RPS6KA5: variants seen among roughly 807,000 people sequenced by gnomAD.
RPS6KA5 encodes ribosomal protein S6 kinase A5.
RPS6KA5 carries 27 observed loss-of-function variants against 85.5 expected under a neutral mutation model. The observed-to-expected ratio is 0.32, with a 90% CI of 0.23 to 0.44. The LOEUF (loss-of-function observed/expected upper bound fraction) is 0.44. Among genes scored for constraint, RPS6KA5 ranks in the 20% least tolerant of loss-of-function variants. The probability of loss-of-function intolerance (pLI) is 1.00; values close to 1 mark genes in which losing one functional copy is unlikely to be tolerated. For missense variants in RPS6KA5, 811 were observed against 980.9 expected (o/e 0.83, Z 2.31); for synonymous variants, 334 against 348.2 (o/e 0.96, Z 0.46).
rs61230626 is a variant in RPS6KA5, at chr14:90,863,302, CAAAAAAAAAAAAAAAAAAAAA to C, written c.*8751_*8771del. ...TGGGTGGCAGAGCGAGACTCCGTCT[CAAAAAAAAAAAAAAAAAAAAA>C]AAAAAAAGAAAAGAAAAGAAAAAAA... On this transcript the variant is annotated 3_prime_UTR_variant, in exon 17 of 17. Transcript: ENST00000614987. The C allele has an allele frequency of 4.0e-5, 1 of 24,806 alleles. No homozygotes were observed. The highest frequency in any genetic ancestry group is 1.1e-4 in the African/African-American group (1 of 9,120). The allele number at this position is 24,806 out of a possible 1,614,324, so 1.5% of individuals were successfully genotyped here.
rs564730969 is a variant in RPS6KA5 at position 90,860,700 on chromosome 14, G to A, written c.*11374C>T. 17 of 151,704 alleles carry A rather than the reference G, an allele frequency of 1.1e-4. No homozygotes were observed. The highest frequency in any genetic ancestry group is 1.9e-4 in the Non-Finnish European group (13 of 67,948). 9.4% of individuals were successfully genotyped at this position (151,704 alleles called of 1,614,324 possible). On this transcript the variant is annotated 3_prime_UTR_variant, in exon 17 of 17. Coordinates refer to ENST00000614987, the MANE Select transcript of RPS6KA5 (RefSeq NM_004755.4). ...AAAATAAAAATACAGAAAAATAAAG[G>A]CAAAAGAAAGAAGGTTTCAAAAAAC... is the stretch of plus-strand genomic sequence containing the variant.
intron 13 of RPS6KA5, among the ~76,000 whole-genome samples, chr14:90,891,206 C>A (rs1013088586): frequency 6.6e-6 from 1 of 151,192 alleles, no homozygotes; most frequent in Non-Finnish European, 1.5e-5. Context: ...CTGGCACAGA[C>A]ATAGAGTAGG....
chr14:90,936,331 G>A (rs2037253542), intron 5 of RPS6KA5, among the ~76,000 whole-genome samples: 2 of 152,172 alleles, frequency 1.3e-5, no homozygotes, highest in Non-Finnish European at 2.9e-5. Flanking sequence ...CTTTGGGAGA[G>A]CAAGGCAGGT....
intron 1 of RPS6KA5, chr14:91,052,322 C>G (rs1274151316): frequency 2.8e-6 from 1 of 361,530 alleles, no homozygotes; most frequent in South Asian, 2.0e-5. Flanking sequence ...AAAAAAATTA[C>G]CTGGGTATGG....
At chr14:90,931,552 T>TA (rs2036980191) in intron 5 of RPS6KA5, among the ~76,000 whole-genome samples, 1 of 151,554 alleles carries the variant, frequency 6.6e-6, no homozygotes, top group South Asian at 2.1e-4. Flanking sequence ...TTTTTAAAAT[T>TA]AAAAAAATAA....
rs1460863009 is a variant in RPS6KA5, at chr14:91,009,052, GTCCTCACTTTCAAAGATAAATTAAC to G, written c.104-7918_104-7894del. Among the ~76,000 whole-genome samples, 13 of 152,316 alleles carry G rather than the reference GTCCTCACTTTCAAAGATAAATTAAC, an allele frequency of 8.5e-5. No individual in the cohort carries two copies. In the East Asian group the frequency reaches 1.5e-3, roughly 18 times the overall value. ...GAAACTACAAAAGGCACAGGACAGG[GTCCTCACTTTCAAAGATAAATTAAC>G]TCAATTTCTGTTCCATTTTTTTCCC... On this transcript the variant is annotated intron_variant, in intron 1 of 16. Coordinates refer to ENST00000614987, the MANE Select transcript of RPS6KA5 (RefSeq NM_004755.4).
chr14:90,954,704 G>A (rs188719038), intron 3 of RPS6KA5, among the ~76,000 whole-genome samples: 116 of 152,294 alleles, frequency 7.6e-4, no homozygotes, highest in African/African-American at 2.7e-3. Context: ...ATGAGCCACC[G>A]TACTAGGCCT....
At position 91,001,197 on chromosome 14, in the gene RPS6KA5, C is replaced by A. The variant is rs201459090; in HGVS notation, c.104-38G>T. ...AAGAGGAAAAAAAAAACAAGAGGGT[C>A]AGCAATAGAAGGAGGCTCCTGGGGG... On this transcript the variant is annotated intron_variant, in intron 1 of 16. Transcript: ENST00000614987. 81 of 1,380,578 alleles carry A rather than the reference C, an allele frequency of 5.9e-5. No homozygotes were observed. The East Asian group carries it at 1.8e-3, about 31-fold the overall frequency. 85.5% of individuals were successfully genotyped at this position (1,380,578 alleles called of 1,614,324 possible). A position where few individuals can be genotyped will look rare whatever the true frequency, so the allele number is the denominator to read the frequency against.
chr14:90,863,302 CAAAAAAAAAAAAAAAAAAA>C lies in RPS6KA5; in HGVS notation c.*8753_*8771del, dbSNP rs61230626. The C allele has an allele frequency of 2.8e-4, 7 of 24,806 alleles. No individual in the cohort carries two copies. Among genetic ancestry groups the C allele is most frequent in the African/African-American group, 6.6e-4 (6 of 9,120 alleles). The allele number at this position is 24,806 out of a possible 1,614,324, so 1.5% of individuals were successfully genotyped here. ...TGGGTGGCAGAGCGAGACTCCGTCT[CAAAAAAAAAAAAAAAAAAA>C]AAAAAAAAAGAAAAGAAAAGAAAAA... On this transcript the variant is annotated 3_prime_UTR_variant, in exon 17 of 17. Coordinates refer to ENST00000614987, the MANE Select transcript of RPS6KA5 (RefSeq NM_004755.4).
At chr14:90,892,529 A>G (rs773932647) in intron 13 of RPS6KA5, among the ~76,000 whole-genome samples, 1 of 152,216 alleles carries the variant, frequency 6.6e-6, no homozygotes, top group Non-Finnish European at 1.5e-5. Context: ...CCTCATCTCA[A>G]GTTCTGCCTG....
At position 90,871,394 on chromosome 14, in the gene RPS6KA5, G is replaced by C. The variant is rs2033100534; in HGVS notation, c.*680C>G. 1 of 152,142 alleles carries C rather than the reference G, an allele frequency of 6.6e-6. No homozygotes were observed. The highest frequency in any genetic ancestry group is 2.4e-5 in the African/African-American group (1 of 41,338). 9.4% of individuals were successfully genotyped at this position (152,142 alleles called of 1,614,324 possible). ...AATAACCATTAAAACAAATTGCCAG[G>C]AAAGAGCAGTGCAAAATTAAAAACA... On this transcript the variant is annotated 3_prime_UTR_variant, in exon 17 of 17. Transcript: ENST00000614987.
In RPS6KA5 at chr14:90,966,194, G is replaced by C. The variant is rs116973029; in HGVS notation, c.394+12112C>G. 3.9e-5 allele frequency among the ~76,000 whole-genome samples: 6 copies of C among 152,174 alleles called. No homozygotes were observed. The East Asian group carries it at 9.6e-4, about 24-fold the overall frequency. On this transcript the variant is annotated intron_variant, in intron 3 of 16. Coordinates refer to ENST00000614987, the MANE Select transcript of RPS6KA5 (RefSeq NM_004755.4). The stretch of plus-strand genomic sequence containing the variant: ...GAGTCAATTAGCTACAGAATTGAGG[G>C]AAGTGGCTTAGAAAAGCTCTTTGAA...
intron 3 of RPS6KA5, among the ~76,000 whole-genome samples, chr14:90,951,737 A>T (rs2038200667): frequency 6.6e-6 from 1 of 152,144 alleles, no homozygotes; most frequent in East Asian, 1.9e-4. Context: ...TTTGCATAGA[A>T]GGTTCCGCTC....
At chr14:91,004,256 T>C (rs896835905) in intron 1 of RPS6KA5, among the ~76,000 whole-genome samples, 1 of 152,114 alleles carries the variant, frequency 6.6e-6, no homozygotes, top group Non-Finnish European at 1.5e-5. Context: ...CGGCTAATTT[T>C]TTGTATTTTT....
At chr14:91,053,272 T>C (rs1201134587) in intron 1 of RPS6KA5, among the ~76,000 whole-genome samples, 1 of 152,194 alleles carries the variant, frequency 6.6e-6, no homozygotes, top group Non-Finnish European at 1.5e-5. Flanking sequence ...GGTAGAAGAC[T>C]AAAGCTTTCA....
intron 1 of RPS6KA5, among the ~76,000 whole-genome samples, chr14:91,022,866 C>A (rs2041839097): frequency 6.6e-6 from 1 of 152,110 alleles, no homozygotes; most frequent in South Asian, 2.1e-4. Context: ...GCAGGCAGAT[C>A]ACCAGGTCAG....
At chr14:90,956,966 T>G (rs1222557634) in intron 3 of RPS6KA5, among the ~76,000 whole-genome samples, 2 of 7,108 alleles carry the variant, frequency 2.8e-4, no homozygotes, top group South Asian at 4.9e-3. Context: ...GTTTTTCTGT[T>G]TTTTTTTTTT....
chr14:91,020,820 G>A (rs1474566736), intron 1 of RPS6KA5, among the ~76,000 whole-genome samples: 1 of 151,940 alleles, frequency 6.6e-6, no homozygotes, highest in Non-Finnish European at 1.5e-5. Context: ...TCATCTGGAA[G>A]TTTCTCAATT....
intron 1 of RPS6KA5, among the ~76,000 whole-genome samples, chr14:91,005,190 T>A (rs1164804461): frequency 6.6e-6 from 1 of 152,218 alleles, no homozygotes; most frequent in Non-Finnish European, 1.5e-5. Context: ...CTTCATTTAC[T>A]TGGCCTACAG....
Sources: allele counts gnomAD v4.1 joint callset (sites outside exome capture counted in the v4.1 genomes callset), GRCh38; gene constraint gnomAD v4.1.1; transcripts MANE v1.5; gene names NCBI Gene and HGNC (gene_info 2026-07-23, HGNC 2026-07-21).